The following CSMD1 variants were observed in gnomAD, a reference collection of about 807,000 sequenced individuals.
The protein encoded by CSMD1 is CUB and sushi domain-containing protein 1.
A neutral mutation model predicts 417.5 loss-of-function variants in CSMD1; 213 were observed. That is an observed-to-expected ratio of 0.51 (90% CI 0.46 to 0.57). CSMD1 has a LOEUF of 0.57. CSMD1 is among the 20% of genes least tolerant of loss of function. The pLI, the probability that CSMD1 is intolerant of heterozygous loss-of-function variation, is 0.00. For synonymous variants in CSMD1, 2,862 were observed against 1,736.8 expected (o/e 1.65, Z -16.11); for missense variants, 6,923 against 4,529.7 (o/e 1.53, Z -15.17).
chr8:3,885,999 G>A lies in CSMD1; in HGVS notation c.818+111904C>T, dbSNP rs542829833. 3.3e-5 allele frequency among the ~76,000 whole-genome samples: 5 copies of A among 151,322 alleles called. No homozygotes were observed. In the East Asian group the frequency reaches 5.8e-4, roughly 18 times the overall value. The stretch of plus-strand genomic sequence containing the variant: ...ATTGATTCAAATTATATATATATGT[G>A]TACATATATATGTGTACATATATAT... On this transcript the variant is annotated intron_variant, in intron 5 of 69. Coordinates refer to ENST00000635120, the MANE Select transcript of CSMD1 (RefSeq NM_033225.6).
At chr8:3,721,554 A>G (rs1047339348) in intron 6 of CSMD1, among the ~76,000 whole-genome samples, 18 of 152,136 alleles carry the variant, frequency 1.2e-4, no homozygotes, top group Admixed American at 9.8e-4. Flanking sequence ...AGGATTTTTA[A>G]ATTATTAAAT....
chr8:3,223,470 G>C (rs544890559), intron 28 of CSMD1, among the ~76,000 whole-genome samples: 5 of 152,222 alleles, frequency 3.3e-5, no homozygotes, highest in South Asian at 4.1e-4. Context: ...TTCTGTTTAA[G>C]CCTTCTCATA....
intron 3 of CSMD1, among the ~76,000 whole-genome samples, chr8:4,283,739 T>C (rs1281841096): frequency 1.3e-5 from 2 of 152,024 alleles, no homozygotes; most frequent in Non-Finnish European, 2.9e-5. Context: ...AAGGAATGCA[T>C]GAGTGTTTTA....
At chr8:3,289,184 C>T (rs1584936693) in intron 25 of CSMD1, among the ~76,000 whole-genome samples, 2 of 147,474 alleles carry the variant, frequency 1.4e-5, no homozygotes, top group South Asian at 2.1e-4. Flanking sequence ...GCATAGTATT[C>T]CATGGTGTAT....
At chr8:4,456,864 G>C (rs774225098) in intron 2 of CSMD1, among the ~76,000 whole-genome samples, 7 of 151,886 alleles carry the variant, frequency 4.6e-5, no homozygotes, top group African/African-American at 7.3e-5. Context: ...CTGGCCCTGG[G>C]CACTGGCTTC....
At chr8:4,137,155 T>C (rs549891562) in intron 3 of CSMD1, among the ~76,000 whole-genome samples, 46 of 152,310 alleles carry the variant, frequency 3.0e-4, no homozygotes, top group African/African-American at 1.1e-3. Flanking sequence ...ATGCTGTAAA[T>C]AGGTTATCCA....
rs957945206 is a variant in CSMD1 at position 4,930,373 on chromosome 8, A to T, written c.85+63959T>A. Among the ~76,000 whole-genome samples, 221 of 152,300 alleles carry T rather than the reference A, an allele frequency of 1.5e-3. 7 individuals carry two copies. In the East Asian group the frequency reaches 0.017, roughly 11 times the overall value. On this transcript the variant is annotated intron_variant, in intron 1 of 69. Transcript: ENST00000635120. ...TGATTTCATTCATAGGTGCGCGCACACACACACACGCATATATATATACAC... is the reference window on the plus strand; with the variant it reads ...TGATTTCATTCATAGGTGCGCGCACTCACACACACGCATATATATATACAC...
intron 3 of CSMD1, among the ~76,000 whole-genome samples, chr8:4,395,176 T>TC (rs1804116380): frequency 6.6e-6 from 1 of 152,140 alleles, no homozygotes. Context: ...GAACAACCCC[T>TC]CCTCTTTTAG....
chr8:4,148,336 G>T (rs1317917275), intron 3 of CSMD1, among the ~76,000 whole-genome samples: 2 of 136,260 alleles, frequency 1.5e-5, no homozygotes, highest in East Asian at 4.9e-4. Context: ...CATAGACAGA[G>T]GAAGGGAAAC....
chr8:4,058,443 A>T (rs530529659), intron 3 of CSMD1, among the ~76,000 whole-genome samples: 1 of 152,098 alleles, frequency 6.6e-6, no homozygotes. Context: ...GGCTGGGACA[A>T]TGGGGTTTTC....
chr8:4,902,292 C>A (rs1441780794), intron 1 of CSMD1, among the ~76,000 whole-genome samples: 1 of 144,662 alleles, frequency 6.9e-6, no homozygotes, highest in South Asian at 2.3e-4. Flanking sequence ...AAAAAAAAAT[C>A]CTGGCATGAT....
At chr8:3,169,955 C>A (rs1467755065) in intron 37 of CSMD1, among the ~76,000 whole-genome samples, 1 of 152,136 alleles carries the variant, frequency 6.6e-6, no homozygotes, top group Non-Finnish European at 1.5e-5. Context: ...CATCACACGC[C>A]CACCTCATCT....
intron 26 of CSMD1, among the ~76,000 whole-genome samples, chr8:3,275,841 T>C (rs1802245645): frequency 6.6e-6 from 1 of 152,052 alleles, no homozygotes; most frequent in Non-Finnish European, 1.5e-5. Context: ...TAAACTTTTT[T>C]CATAGTTTTC....
At chr8:3,414,763 C>A (rs1428652269) in intron 12 of CSMD1, among the ~76,000 whole-genome samples, 1 of 152,102 alleles carries the variant, frequency 6.6e-6, no homozygotes, top group Non-Finnish European at 1.5e-5. Context: ...TCTTTTAGTG[C>A]CTGAGGGTGT....
intron 3 of CSMD1, among the ~76,000 whole-genome samples, chr8:4,153,276 G>A (rs1481255158): frequency 1.3e-5 from 2 of 152,188 alleles, no homozygotes; most frequent in African/African-American, 4.8e-5. Context: ...AAGACAGAGT[G>A]TCCAAGTTTG....
chr8:3,303,053 T>C (rs1804539735), intron 25 of CSMD1, among the ~76,000 whole-genome samples: 1 of 152,206 alleles, frequency 6.6e-6, no homozygotes. Context: ...TTTTACTTCA[T>C]GGCTGAAATT....
intron 2 of CSMD1, among the ~76,000 whole-genome samples, chr8:4,576,454 C>T (rs892629129): frequency 6.6e-6 from 1 of 152,110 alleles, no homozygotes; most frequent in Non-Finnish European, 1.5e-5. Context: ...CTTAATAGTC[C>T]TTCGTTTGGC....
intron 12 of CSMD1, among the ~76,000 whole-genome samples, chr8:3,414,069 G>A (rs1409202188): frequency 6.6e-6 from 1 of 150,550 alleles, no homozygotes; most frequent in Non-Finnish European, 1.5e-5. Context: ...AAACCAGGAG[G>A]TGGACGTTGC....
chr8:3,535,118 T>G (rs945971797), intron 10 of CSMD1, among the ~76,000 whole-genome samples: 2 of 151,544 alleles, frequency 1.3e-5, no homozygotes, highest in African/African-American at 4.9e-5. Flanking sequence ...AGCTAATATT[T>G]TTTTTTTTTA....
Sources: gnomAD v4.1 joint callset for allele counts (sites outside exome capture counted in the v4.1 genomes callset) on GRCh38, gnomAD v4.1.1 for gene constraint, MANE v1.5 for transcripts, NCBI Gene and HGNC (gene_info 2026-07-23, HGNC 2026-07-21) for gene names.